Variants in ENO1 observed in about 807,000 individuals in gnomAD.
ENO1 encodes enolase 1.
Under a neutral mutation model 46.3 loss-of-function variants are expected in ENO1, and 33 were observed. The observed-to-expected ratio is 0.71, with a 90% CI of 0.54 to 0.95. The LOEUF (loss-of-function observed/expected upper bound fraction) is 0.95, where lower values mean the gene tolerates loss of function less well. Among genes scored for constraint, ENO1 ranks in the 40% least tolerant of loss-of-function variants. The pLI is 0.00. For synonymous variants in ENO1, 220 were observed against 216.0 expected (o/e 1.02, Z -0.16); for missense variants, 488 against 553.3 (o/e 0.88, Z 1.18).
At chr1:8,872,873 G>T (rs115579221) in intron 2 of ENO1, among the ~76,000 whole-genome samples, 1,921 of 152,298 alleles carry the variant, frequency 0.013, 26 homozygotes, top group Non-Finnish European at 0.022. Flanking sequence ...TTTAATAAAT[G>T]TAAGAACTGA....
Position 8,861,417 on chromosome 1 carries a change from C to T in ENO1, c.1248G>A (p.Glu416=), listed in dbSNP as rs193006639. 1 of 1,614,068 alleles carries T rather than the reference C, an allele frequency of 6.2e-7. No homozygotes were observed. Among genetic ancestry groups the T allele is most frequent in the African/African-American group, 1.3e-5 (1 of 75,022 alleles). The part of the protein sequence containing the change: ...KYNQLLRIEE[E]LGSKAKFAGR... ...CGGCAAACTTAGCCTTGCTGCCCAG[C>T]TCCTCTTCAATTCTTGGGAAGGAGA... Residue 416 remains glutamate, a synonymous_variant, in exon 12 of 12, where the codon GAG becomes GAA. Coordinates refer to ENST00000234590, the MANE Select transcript of ENO1 (RefSeq NM_001428.5).
At chr1:8,877,876 CAA>C (rs34081530) in intron 1 of ENO1, 238 of 141,436 alleles carry the variant, frequency 1.7e-3, no homozygotes, top group Admixed American at 2.5e-3. Context: ...TAGCAAAACT[CAA>C]AAAAAAAAAA....
At position 8,865,350 on chromosome 1, in the gene ENO1, G is replaced by C. The variant is rs755795570; in HGVS notation, c.800C>G (p.Pro267Arg). 5 of 1,614,208 alleles carry C rather than the reference G, an allele frequency of 3.1e-6. No individual in the cohort carries two copies. The East Asian group carries it at 8.9e-5, about 29-fold the overall frequency. Residue 267 changes from proline to arginine, a missense_variant, in exon 8 of 12, where the codon CCC becomes CGC. Pro to Arg is a moderately radical substitution (Grantham distance 103). Coordinates refer to ENST00000234590, the MANE Select transcript of ENO1 (RefSeq NM_001428.5). ...CTGGTCAGGCGAGATGTACCTGCTGGGGTCATCGGGAGACTTGAAGTCCAG... is the reference window on the plus strand; with the variant it reads ...CTGGTCAGGCGAGATGTACCTGCTGCGGTCATCGGGAGACTTGAAGTCCAG... ...YDLDFKSPDD[P>R]SRYISPDQLA...
At position 8,863,409 on chromosome 1, in the gene ENO1, T is replaced by C. The variant is rs574784372; in HGVS notation, c.1068-66A>G. 4.9e-5 allele frequency: 73 copies of C among 1,482,116 alleles called. No homozygotes were observed. The African/African-American group carries it at 9.2e-4, about 19-fold the overall frequency. The allele number at this position is 1,482,116 out of a possible 1,614,324, so 91.8% of individuals were successfully genotyped here. On this transcript the variant is annotated intron_variant, in intron 9 of 11. Transcript: ENST00000234590. ...TCTGGTTCCATAACCCCCAATGCCA[T>C]TACCCCTCGGTGCCAGCAGGAAAGC...
Position 8,878,184 on chromosome 1 carries a change from G to A in ENO1, c.-10+396C>T, listed in dbSNP as rs928323322. 1.2e-5 allele frequency: 2 copies of A among 170,818 alleles called. 1 individual carries two copies. The highest frequency in any genetic ancestry group is 2.3e-4 in the South Asian group (2 of 8,520). The allele number at this position is 170,818 out of a possible 1,614,324, so 10.6% of individuals were successfully genotyped here. On this transcript the variant is annotated intron_variant, in intron 1 of 11. Coordinates refer to ENST00000234590, the MANE Select transcript of ENO1 (RefSeq NM_001428.5). Reference sequence around the variant, plus strand: ...GGGCCTGGCCTGAGTGGCCACCGCCGCTAAGTCTGCGTCTATCCCAAAAAC... The same window carrying A: ...GGGCCTGGCCTGAGTGGCCACCGCCACTAAGTCTGCGTCTATCCCAAAAAC...
chr1:8,866,433 G>A lies in ENO1; in HGVS notation c.513C>T (p.Leu171=). ...NKLAMQEFMI[L]PVGAANFREA... is the part of the protein sequence containing the mutation. Reference sequence around the variant, plus strand: ...CCCTGAAGTTTGCTGCACCGACTGGGAGGATCATGAACTCCTGCATGGCCA... The same window carrying A: ...CCCTGAAGTTTGCTGCACCGACTGGAAGGATCATGAACTCCTGCATGGCCA... Residue 171 remains leucine (L), a synonymous_variant, in exon 7 of 12, where the codon CTC becomes CTT. Coordinates refer to ENST00000234590, the MANE Select transcript of ENO1 (RefSeq NM_001428.5). 1.2e-6 allele frequency: 2 copies of A among 1,614,230 alleles called. No individual in the cohort carries two copies. Among genetic ancestry groups the A allele is most frequent in the South Asian group, 1.1e-5 (1 of 91,088 alleles).
At chr1:8,870,205 G>C (rs187723164) in intron 4 of ENO1, 8 of 529,430 alleles carry the variant, frequency 1.5e-5, no homozygotes, top group South Asian at 5.3e-5. Context: ...AGAGTTGCAG[G>C]GGGGAAGAAA....
rs149813201 is a variant in ENO1, at chr1:8,874,156, T to G, written c.85+668A>C. Among the ~76,000 whole-genome samples the G allele has an allele frequency of 2.9e-3, 443 of 152,294 alleles. 4 individuals are homozygous for G. The highest frequency in any genetic ancestry group is 8.5e-3 in the African/African-American group (352 of 41,576). On this transcript the variant is annotated intron_variant, in intron 2 of 11. Coordinates refer to ENST00000234590, the MANE Select transcript of ENO1 (RefSeq NM_001428.5). Reference sequence around the variant, plus strand: ...CCATCCTATCACACTGTATCCTGCATTTGGTCACAGCAAGCTGTCAGCCAA... The same window carrying G: ...CCATCCTATCACACTGTATCCTGCAGTTGGTCACAGCAAGCTGTCAGCCAA...
Position 8,861,056 on chromosome 1 carries a change from G to C in ENO1, c.*304C>G, listed in dbSNP as rs559946012. The C allele has an allele frequency of 8.9e-6, 3 of 337,606 alleles. No individual in the cohort carries two copies. The highest frequency in any genetic ancestry group is 1.6e-5 in the Non-Finnish European group (3 of 183,236). The allele number at this position is 337,606 out of a possible 1,614,324, so 20.9% of individuals were successfully genotyped here. A position where few individuals can be genotyped will look rare whatever the true frequency, so the allele number is the denominator to read the frequency against. ...TGAGCACAAAACCACCGGGGATCTA[G>C]CCTGTGGCCACCCCGGAGATGACAC... is the stretch of plus-strand genomic sequence containing the variant. On this transcript the variant is annotated 3_prime_UTR_variant, in exon 12 of 12. Coordinates refer to ENST00000234590, the MANE Select transcript of ENO1 (RefSeq NM_001428.5).
intron 3 of ENO1, 110 bp from the exon 4 acceptor site, chr1:8,870,620 C>T: frequency 6.4e-7 from 1 of 1,550,542 alleles, no homozygotes; most frequent in Non-Finnish European, 8.7e-7. Flanking sequence ...ACCAAGGGAC[C>T]TTCTGTGGGA....
intron 2 of ENO1, among the ~76,000 whole-genome samples, chr1:8,873,420 A>G (rs1642672095): frequency 6.6e-6 from 1 of 152,186 alleles, no homozygotes; most frequent in African/African-American, 2.4e-5. Flanking sequence ...CACACAAGAG[A>G]AAGTTCCATT....
At chr1:8,876,254 T>A (rs1371223419) in intron 1 of ENO1, 1 of 152,222 alleles carries the variant, frequency 6.6e-6, no homozygotes. Context: ...AGTGGCAGGT[T>A]TTTAACTTTC....
At position 8,878,608 on chromosome 1, in the gene ENO1, A is replaced by C. The variant is rs1368171520; in HGVS notation, c.-38T>G. 1 of 455,796 alleles carries C rather than the reference A, an allele frequency of 2.2e-6. No individual in the cohort carries two copies. The highest frequency in any genetic ancestry group is 2.0e-5 in the African/African-American group (1 of 50,012). 28.2% of individuals were successfully genotyped at this position (455,796 alleles called of 1,614,324 possible). A position where few individuals can be genotyped will look rare whatever the true frequency, so the allele number is the denominator to read the frequency against. ...GCCACTGGGTCTCGTCGCCTAGGAG[A>C]GGAAGCGGAGGGTGCTGCAGACACC... On this transcript the variant is annotated 5_prime_UTR_variant, in exon 1 of 12. Transcript: ENST00000234590.
intron 3 of ENO1, 126 bp from the exon 4 acceptor site, chr1:8,870,636 TC>T (rs2124089227): frequency 1.3e-6 from 2 of 1,517,760 alleles, no homozygotes; most frequent in South Asian, 2.4e-5. Flanking sequence ...TGGGACCTCT[TC>T]CCCCTCTCCC....
chr1:8,871,545 C>T, intron 3 of ENO1: 17 of 1,067,312 alleles, frequency 1.6e-5, no homozygotes, highest in Admixed American at 4.9e-5. Flanking sequence ...CCACAGAACC[C>T]TCCTGGGAGA....
intron 4 of ENO1, chr1:8,870,142 C>A: frequency 5.3e-6 from 2 of 376,640 alleles, no homozygotes; most frequent in Non-Finnish European, 9.8e-6. Context: ...CTACCACAAA[C>A]ACCCCTGAGA....
At chr1:8,864,876 G>A (rs984070687) in intron 8 of ENO1, among the ~76,000 whole-genome samples, 7 of 152,176 alleles carry the variant, frequency 4.6e-5, no homozygotes, top group African/African-American at 1.7e-4. Context: ...CTCTCCTGTA[G>A]AAAGGTGGTC....
At chr1:8,867,766 G>T (rs1371729822) in intron 5 of ENO1, among the ~76,000 whole-genome samples, 1 of 152,064 alleles carries the variant, frequency 6.6e-6, no homozygotes, top group Non-Finnish European at 1.5e-5. Flanking sequence ...TCCTGACCTC[G>T]TGATCCACCT....
chr1:8,868,776 C>T (rs1362916311), intron 4 of ENO1, among the ~76,000 whole-genome samples: 4 of 152,172 alleles, frequency 2.6e-5, no homozygotes, highest in East Asian at 1.9e-4. Flanking sequence ...ACCTCCACCT[C>T]GTGGGCTCAA....
Sources: gnomAD v4.1 joint callset for allele counts (sites outside exome capture counted in the v4.1 genomes callset) on GRCh38, gnomAD v4.1.1 for gene constraint, MANE v1.5 for transcripts, NCBI Gene and HGNC (gene_info 2026-07-23, HGNC 2026-07-21) for gene names.